Variants in CNTLN observed in about 807,000 individuals in gnomAD.
The protein encoded by CNTLN is centlein.
Under a neutral mutation model 180.0 loss-of-function variants are expected in CNTLN, and 212 were observed. That is an observed-to-expected ratio of 1.18 (90% CI 1.05 to 1.32). CNTLN has a LOEUF of 1.32. CNTLN is among the 40% of genes most tolerant of loss of function. CNTLN has a pLI of 0.00. For synonymous variants in CNTLN, 722 were observed against 563.1 expected (o/e 1.28, Z -3.99); for missense variants, 2,095 against 1,610.9 (o/e 1.30, Z -5.14).
rs577592556 is a variant in CNTLN at position 17,265,953 on chromosome 9, C to T, written c.850-7780C>T. On this transcript the variant is annotated intron_variant, in intron 5 of 25. Coordinates refer to ENST00000380647, the MANE Select transcript of CNTLN (RefSeq NM_017738.4). ...TTTTTTTCTTTATTATTCTTGCTAG[C>T]GGTCTATCAATTTTGTTGATCTTTT... is the stretch of plus-strand genomic sequence containing the variant. Among the ~76,000 whole-genome samples, 477 of 151,912 alleles carry T rather than the reference C, an allele frequency of 3.1e-3. 2 individuals are homozygous for T. The highest frequency in any genetic ancestry group is 4.6e-3 in the Non-Finnish European group (311 of 67,958).
At chr9:17,307,021 C>G (rs1452596658) in intron 7 of CNTLN, among the ~76,000 whole-genome samples, 1 of 152,104 alleles carries the variant, frequency 6.6e-6, no homozygotes, top group Non-Finnish European at 1.5e-5. Flanking sequence ...ACGCTGAACT[C>G]TTCATTGTCC....
intron 13 of CNTLN, among the ~76,000 whole-genome samples, chr9:17,374,363 A>G (rs1385272062): frequency 2.6e-5 from 4 of 152,238 alleles, no homozygotes; most frequent in Admixed American, 2.6e-4. Flanking sequence ...ATATATGAAA[A>G]TGCTCAACAT....
At chr9:17,211,793 A>G (rs1823335772) in intron 2 of CNTLN, among the ~76,000 whole-genome samples, 1 of 152,030 alleles carries the variant, frequency 6.6e-6, no homozygotes, top group Non-Finnish European at 1.5e-5. Context: ...TTGGATTCCT[A>G]GGTATTTTAT....
chr9:17,258,341 C>T (rs1237715159), intron 5 of CNTLN, among the ~76,000 whole-genome samples: 2 of 149,368 alleles, frequency 1.3e-5, no homozygotes, highest in Non-Finnish European at 3.0e-5. Flanking sequence ...ATCTATATCT[C>T]TGTTTTGGTA....
At chr9:17,275,928 C>T (rs1171326282) in intron 6 of CNTLN, among the ~76,000 whole-genome samples, 3 of 152,036 alleles carry the variant, frequency 2.0e-5, no homozygotes, top group Non-Finnish European at 4.4e-5. Flanking sequence ...GAGAGCTAAA[C>T]ATTGGGTACC....
chr9:17,200,962 A>T (rs1191893768), intron 2 of CNTLN, among the ~76,000 whole-genome samples: 1 of 152,130 alleles, frequency 6.6e-6, no homozygotes, highest in Admixed American at 6.6e-5. Context: ...GATATTGGCT[A>T]TGGATTTGTC....
At chr9:17,330,138 G>A (rs983068638) in intron 8 of CNTLN, among the ~76,000 whole-genome samples, 19 of 151,976 alleles carry the variant, frequency 1.3e-4, no homozygotes, top group African/African-American at 4.6e-4. Flanking sequence ...AAACTATATT[G>A]ACTTAAAATT....
intron 18 of CNTLN, among the ~76,000 whole-genome samples, chr9:17,432,163 G>A (rs1443988401): frequency 2.0e-5 from 3 of 151,936 alleles, no homozygotes. Flanking sequence ...CAGACCACTA[G>A]AGACAAAAAG....
intron 2 of CNTLN, among the ~76,000 whole-genome samples, chr9:17,156,886 A>G (rs1325068507): frequency 6.6e-6 from 1 of 152,250 alleles, no homozygotes; most frequent in Non-Finnish European, 1.5e-5. Context: ...TATGGACTTA[A>G]TCCTTTGGGA....
At chr9:17,514,405 G>A in the CNTLN span, among the ~76,000 whole-genome samples, 1 of 152,110 alleles carries the variant, frequency 6.6e-6, no homozygotes, top group South Asian at 2.1e-4. Flanking sequence ...AAAGGCAGCA[G>A]GACCAGATGA....
chr9:17,333,443 T>C (rs1460088693), intron 10 of CNTLN, among the ~76,000 whole-genome samples: 3 of 152,134 alleles, frequency 2.0e-5, no homozygotes, highest in Non-Finnish European at 2.9e-5. Context: ...AGTTTAATCA[T>C]ATAATTCTCA....
chr9:17,357,227 A>T (rs1822919035), intron 12 of CNTLN, among the ~76,000 whole-genome samples: 1 of 151,812 alleles, frequency 6.6e-6, no homozygotes, highest in African/African-American at 2.4e-5. Flanking sequence ...TTTTATGTAT[A>T]TACCACATTT....
chr9:17,213,802 A>G (rs956524826), intron 2 of CNTLN, among the ~76,000 whole-genome samples: 2 of 152,106 alleles, frequency 1.3e-5, no homozygotes, highest in Non-Finnish European at 2.9e-5. Flanking sequence ...TCCCTTTACC[A>G]TTATGTAGTG....
chr9:17,512,451 T>C, the CNTLN span, among the ~76,000 whole-genome samples: 47,287 of 151,986 alleles, frequency 0.31, 8,570 homozygotes, highest in South Asian at 0.52. Flanking sequence ...TCTCACTTTA[T>C]AGTGGAAGCT....
intron 18 of CNTLN, among the ~76,000 whole-genome samples, chr9:17,438,845 C>G (rs1262813494): frequency 6.6e-6 from 1 of 152,156 alleles, no homozygotes; most frequent in Non-Finnish European, 1.5e-5. Context: ...GGTCCAAGAT[C>G]TGAGCTCTAG....
intron 15 of CNTLN, among the ~76,000 whole-genome samples, chr9:17,402,200 A>G (rs1827033653): frequency 6.6e-6 from 1 of 151,854 alleles, no homozygotes; most frequent in African/African-American, 2.4e-5. Flanking sequence ...GCAGTGGCAG[A>G]TATTTTATTT....
intron 12 of CNTLN, among the ~76,000 whole-genome samples, chr9:17,352,723 T>A (rs1327722293): frequency 6.6e-6 from 1 of 152,186 alleles, no homozygotes; most frequent in Non-Finnish European, 1.5e-5. Flanking sequence ...ATTTGTCCCT[T>A]CTTTCAATTG....
At chr9:17,195,045 G>A (rs1415315191) in intron 2 of CNTLN, among the ~76,000 whole-genome samples, 3 of 152,272 alleles carry the variant, frequency 2.0e-5, no homozygotes, top group East Asian at 3.9e-4. Flanking sequence ...CTCCCATAAC[G>A]TGGGAATTAT....
Position 17,292,577 on chromosome 9 carries a change from C to G in CNTLN, c.984-5613C>G, listed in dbSNP as rs75510950. On this transcript the variant is annotated intron_variant, in intron 6 of 25. Transcript: ENST00000380647. ...GCTTTAAGCTCTGAAATTCTTTCCT[C>G]TGCTTGGTCAGTTTGGCTGTTGATA... 1.5e-3 allele frequency among the ~76,000 whole-genome samples: 228 copies of G among 152,184 alleles called. 1 individual carries two copies. The highest frequency in any genetic ancestry group is 5.3e-3 in the African/African-American group (220 of 41,538).
Sources: gnomAD v4.1 joint callset for allele counts (sites outside exome capture counted in the v4.1 genomes callset) on GRCh38, gnomAD v4.1.1 for gene constraint, MANE v1.5 for transcripts, NCBI Gene and HGNC (gene_info 2026-07-23, HGNC 2026-07-21) for gene names.